Variants in SYNE1 observed in about 807,000 individuals in gnomAD.
The protein encoded by SYNE1 is nesprin-1.
A neutral mutation model predicts 1,111.0 loss-of-function variants in SYNE1; 616 were observed. The ratio of observed to expected loss-of-function variants is 0.55; its 90% confidence interval spans 0.52 to 0.59. The LOEUF is 0.59. SYNE1 is among the 20% of genes least tolerant of loss of function. SYNE1 has a pLI of 0.00. For missense variants in SYNE1, 10,006 were observed against 10,417.0 expected (o/e 0.96, Z 1.72); for synonymous variants, 3,855 against 3,825.8 (o/e 1.01, Z -0.28).
chr6:152,483,223 A>G lies in SYNE1; in HGVS notation c.1212T>C (p.Asp404=). ...SRLFDWHIQL[D]KSLPAPLGTI... ...TGCCCAGAGGTGCAGGAAGAGATTT[A>G]TCAAGCTGTATATGCCAGTCAAAGA... The change falls in exon 14 of 146, where the codon GAT becomes GAC. Residue 404 remains aspartate, a synonymous_variant. Coordinates refer to ENST00000367255, the MANE Select transcript of SYNE1 (RefSeq NM_182961.4). 1.2e-6 allele frequency: 2 copies of G among 1,614,222 alleles called. No individual in the cohort carries two copies. The highest frequency in any genetic ancestry group is 1.1e-5 in the South Asian group (1 of 91,090).
intron 56 of SYNE1, among the ~76,000 whole-genome samples, chr6:152,377,873 C>T (rs1057305852): frequency 6.6e-6 from 1 of 151,678 alleles, no homozygotes; most frequent in African/African-American, 2.4e-5. Context: ...CAAGTCCCCC[C>T]ACGAATAAAG....
Position 152,466,094 on chromosome 6 carries a change from T to C in SYNE1, c.1633-16A>G. On this transcript the variant is annotated splice_polypyrimidine_tract_variant and intron_variant, in intron 16 of 145. Coordinates refer to ENST00000367255, the MANE Select transcript of SYNE1 (RefSeq NM_182961.4). ...CTATAAAAGACTAGAAAAGGAGGAA[T>C]GGTTAGAAGATAGCAAACATTAGGC... 6.6e-7 allele frequency: 1 copy of C among 1,512,216 alleles called. No homozygotes were observed. Among genetic ancestry groups the C allele is most frequent in the Non-Finnish European group, 9.2e-7 (1 of 1,088,028 alleles). 93.7% of individuals were successfully genotyped at this position (1,512,216 alleles called of 1,614,324 possible). A position where few individuals can be genotyped will look rare whatever the true frequency, so the allele number is the denominator to read the frequency against.
chr6:152,225,812 G>T lies in SYNE1; in HGVS notation c.21260C>A (p.Ala7087Asp). The change falls in exon 116 of 146, where the codon GCT becomes GAT. Residue 7087 changes from alanine to aspartate, a missense_variant. Transcript: ENST00000367255. Reference protein sequence around the residue: ...EVEKIEQNGLALIQNKKEDVS... With the variant: ...EVEKIEQNGLDLIQNKKEDVS... Reference sequence around the variant, plus strand: ...GTCTTCTTTCTTGTTCTGAATCAAAGCAAGTCCATTCTGCTCAATTTTCTC... The same window carrying T: ...GTCTTCTTTCTTGTTCTGAATCAAATCAAGTCCATTCTGCTCAATTTTCTC... 1 of 1,613,996 alleles carries T rather than the reference G, an allele frequency of 6.2e-7. No individual in the cohort carries two copies. Among genetic ancestry groups the T allele is most frequent in the Non-Finnish European group, 8.5e-7 (1 of 1,179,980 alleles).
In SYNE1 at chr6:152,468,624, C is replaced by A. The variant is rs1191936458; in HGVS notation, c.1633-2546G>T. ...GGATGTACATTCTCTTTCTCTAACA[C>A]TTAAAAAAAGTATTCTTTCTTTTTT... is the stretch of plus-strand genomic sequence containing the variant. On this transcript the variant is annotated intron_variant, in intron 16 of 145. Coordinates refer to ENST00000367255, the MANE Select transcript of SYNE1 (RefSeq NM_182961.4). Among the ~76,000 whole-genome samples the A allele has an allele frequency of 3.9e-5, 6 of 152,174 alleles. No homozygotes were observed. In the East Asian group the frequency reaches 9.7e-4, roughly 24 times the overall value.
intron 45 of SYNE1, among the ~76,000 whole-genome samples, chr6:152,406,351 T>C (rs2097900737): frequency 6.6e-6 from 1 of 152,202 alleles, no homozygotes; most frequent in East Asian, 1.9e-4. Context: ...ATACTAAACA[T>C]TACTAAATTA....
intron 53 of SYNE1, 26 bp from the exon 54 acceptor site, chr6:152,387,407 A>T: frequency 6.2e-7 from 1 of 1,609,402 alleles, no homozygotes; most frequent in Non-Finnish European, 8.5e-7. Context: ...CATATTAACA[A>T]AAATGAATTA....
chr6:152,158,035 G>A (rs1210803671), intron 131 of SYNE1, among the ~76,000 whole-genome samples: 3 of 152,192 alleles, frequency 2.0e-5, no homozygotes, highest in Non-Finnish European at 4.4e-5. Flanking sequence ...GGAATTACAG[G>A]TGTGAGCCAC....
At chr6:152,255,539 G>A in intron 103 of SYNE1, 52 bp downstream of exon 103, 1 of 1,593,662 alleles carries the variant, frequency 6.3e-7, no homozygotes, top group Non-Finnish European at 8.6e-7. Context: ...CCATCAAAAT[G>A]TCAAGTGCTT....
intron 93 of SYNE1, among the ~76,000 whole-genome samples, chr6:152,298,585 A>AT (rs1049904342): frequency 1.5e-4 from 22 of 151,434 alleles, no homozygotes; most frequent in East Asian, 1.4e-3. Context: ...AACAACTGTG[A>AT]TTTTATAAAG....
intron 135 of SYNE1, among the ~76,000 whole-genome samples, chr6:152,151,028 A>G (rs1248304852): frequency 2.0e-5 from 3 of 152,160 alleles, no homozygotes; most frequent in African/African-American, 4.8e-5. Context: ...CCTGGCCAGC[A>G]TAGTGAAACC....
chr6:152,236,043 G>C lies in SYNE1; in HGVS notation c.20396+64C>G, dbSNP rs558035577. On this transcript the variant is annotated intron_variant, in intron 110 of 145. Coordinates refer to ENST00000367255, the MANE Select transcript of SYNE1 (RefSeq NM_182961.4). ...AGGTTTGAGCCATCATCCCCCACCC[G>C]CACTAGCCTTATTAATACAATGCAG... 4,844 of 1,540,632 alleles carry C rather than the reference G, an allele frequency of 3.1e-3. 12 individuals are homozygous for C. Among genetic ancestry groups the C allele is most frequent in the Non-Finnish European group, 3.7e-3 (4,160 of 1,114,140 alleles).
rs549155656 is a variant in SYNE1 at position 152,545,321 on chromosome 6, T to C, written c.68-5300A>G. ...GAGTCCGGGTGCTGTGGCTCATGCC[T>C]GTAATCCCAGCACTTTGCAAAGCCC... On this transcript the variant is annotated intron_variant, in intron 3 of 145. Transcript: ENST00000367255. 1.1e-4 allele frequency among the ~76,000 whole-genome samples: 16 copies of C among 152,312 alleles called. No homozygotes were observed. The South Asian group carries it at 2.3e-3, about 22-fold the overall frequency.
chr6:152,302,159 C>A (rs1046873504), intron 91 of SYNE1, 96 bp from the exon 92 acceptor site: 1 of 1,546,092 alleles, frequency 6.5e-7, no homozygotes. Flanking sequence ...CCAATGAGCG[C>A]GCAGAGCCGC....
At chr6:152,486,855 A>ACTTT (rs2098943674) in intron 12 of SYNE1, among the ~76,000 whole-genome samples, 1 of 152,212 alleles carries the variant, frequency 6.6e-6, no homozygotes, top group Non-Finnish European at 1.5e-5. Context: ...TTTGTCTACC[A>ACTTT]TGTTGAAGTT....
chr6:152,239,741 C>G (rs1019604268), intron 107 of SYNE1, 35 bp from the exon 108 acceptor site: 5 of 1,612,540 alleles, frequency 3.1e-6, no homozygotes, highest in Non-Finnish European at 4.2e-6. Context: ...GTCAGCAACT[C>G]ATTCATATAT....
At chr6:152,237,200 C>T (rs1381937797) in intron 108 of SYNE1, among the ~76,000 whole-genome samples, 1 of 152,026 alleles carries the variant, frequency 6.6e-6, no homozygotes, top group African/African-American at 2.4e-5. Flanking sequence ...CTACTAAACT[C>T]TGTACCTCTT....
chr6:152,480,804 T>C (rs1454281910), intron 14 of SYNE1: 1 of 456,102 alleles, frequency 2.2e-6, no homozygotes, highest in Non-Finnish European at 4.4e-6. Context: ...CCTTTCTGGG[T>C]TTTTGTTTGT....
At position 152,367,343 on chromosome 6, in the gene SYNE1, T is replaced by C; in HGVS notation, c.9847A>G (p.Asn3283Asp). 1.2e-6 allele frequency: 2 copies of C among 1,614,194 alleles called. No individual in the cohort carries two copies. Among genetic ancestry groups the C allele is most frequent in the South Asian group, 2.2e-5 (2 of 91,076 alleles). ...SRLDRIVAEH[N>D]QFSLGIKELQ... ...TCTTTAATCCCAAGAGAGAACTGATTGTGTTCTGCAACGATTCTATCCAGT... is the reference window on the plus strand; with the variant it reads ...TCTTTAATCCCAAGAGAGAACTGATCGTGTTCTGCAACGATTCTATCCAGT... Residue 3283 changes from asparagine (N) to aspartate (D), a missense_variant, in exon 62 of 146, where the codon AAT becomes GAT. Asn to Asp is a conservative substitution (Grantham distance 23). Transcript: ENST00000367255.
At chr6:152,300,369 A>G (rs191107305) in intron 93 of SYNE1, among the ~76,000 whole-genome samples, 6 of 152,328 alleles carry the variant, frequency 3.9e-5, no homozygotes, top group Non-Finnish European at 7.4e-5. Context: ...ATTGCTGGAA[A>G]CTAAGGCCAT....
Sources: allele counts gnomAD v4.1 joint callset (sites outside exome capture counted in the v4.1 genomes callset), GRCh38; gene constraint gnomAD v4.1.1; transcripts MANE v1.5; gene names NCBI Gene and HGNC (gene_info 2026-07-23, HGNC 2026-07-21).